PGM2L1: variants seen among roughly 807,000 people sequenced by gnomAD.
PGM2L1 encodes the protein phosphoglucomutase 2 like 1, also known as glucose 1,6-bisphosphate synthase.
PGM2L1 carries 35 observed loss-of-function variants against 73.4 expected under a neutral mutation model. The ratio of observed to expected loss-of-function variants is 0.48; its 90% CI spans 0.36 to 0.63. PGM2L1 has a LOEUF of 0.63. PGM2L1 is among the 30% of genes least tolerant of loss of function. The pLI is 0.00. For missense variants in PGM2L1, 570 were observed against 742.0 expected (o/e 0.77, Z 2.69); for synonymous variants, 225 against 253.8 (o/e 0.89, Z 1.08).
intron 5 of PGM2L1, among the ~76,000 whole-genome samples, chr11:74,358,916 C>G (rs564949448): frequency 6.6e-6 from 1 of 151,910 alleles, no homozygotes; most frequent in Non-Finnish European, 1.5e-5. Flanking sequence ...ACAAAAAAAC[C>G]CAAAAGTTCC....
chr11:74,343,357 C>A lies in PGM2L1; in HGVS notation c.1278G>T (p.Gly426=). The change falls in exon 10 of 14, where the codon GGG becomes GGT. Residue 426 remains glycine (G), a synonymous_variant. Coordinates refer to ENST00000298198, the MANE Select transcript of PGM2L1 (RefSeq NM_173582.6). ...GSRIIDLLEN[G]KEVLFAFEES... is the part of the protein sequence containing the mutation. ...CTTCAAATGCAAAAAGGACTTCTTT[C>A]CCATTTTCCAGGAGGTCTATTATCC... The A allele has an allele frequency of 6.2e-7, 1 of 1,609,468 alleles. No homozygotes were observed. The highest frequency in any genetic ancestry group is 8.5e-7 in the Non-Finnish European group (1 of 1,178,782).
In PGM2L1 at chr11:74,362,417, C is replaced by T. The variant is rs191965963; in HGVS notation, c.555+6075G>A. ...AGCACTAAACATGGAAAGGAACAAC[C>T]GGTACCAGCCACTGCAAAAACATGT... On this transcript the variant is annotated intron_variant, in intron 5 of 13. Transcript: ENST00000298198. Among the ~76,000 whole-genome samples the T allele has an allele frequency of 9.4e-3, 1,434 of 152,220 alleles. 25 individuals are homozygous for T. Among genetic ancestry groups the T allele is most frequent in the African/African-American group, 0.031 (1,275 of 41,538 alleles).
intron 12 of PGM2L1, among the ~76,000 whole-genome samples, chr11:74,340,293 G>A (rs993981899): frequency 6.6e-6 from 1 of 152,140 alleles, no homozygotes; most frequent in South Asian, 2.1e-4. Flanking sequence ...ACACTTTAAC[G>A]AGAATTAAGA....
In PGM2L1 at chr11:74,351,368, T is replaced by G. The variant is rs773110827; in HGVS notation, c.749+15A>C. The G allele has an allele frequency of 9.9e-5, 159 of 1,598,750 alleles. No individual in the cohort carries two copies. The highest frequency in any genetic ancestry group is 1.3e-4 in the Non-Finnish European group (147 of 1,171,518). On this transcript the variant is annotated intron_variant, in intron 6 of 13. Coordinates refer to ENST00000298198, the MANE Select transcript of PGM2L1 (RefSeq NM_173582.6). ...TATTCTGAAGTAGTATTATCTGATA[T>G]TCTCACTTGGATACCTGTAAAAACA...
intron 1 of PGM2L1, among the ~76,000 whole-genome samples, chr11:74,392,290 T>C (rs905428701): frequency 4.6e-5 from 7 of 151,804 alleles, no homozygotes; most frequent in African/African-American, 9.7e-5. Flanking sequence ...TCAAAAAAAA[T>C]AAATTGCAAA....
In PGM2L1 at chr11:74,380,761, G is replaced by A. The variant is rs186861493; in HGVS notation, c.112-6179C>T. ...ACATAGTCTAACTTGTCTCTGTTAA[G>A]TTTTAAGTAAAAAATATTTCTCATA... On this transcript the variant is annotated intron_variant, in intron 1 of 13. Coordinates refer to ENST00000298198, the MANE Select transcript of PGM2L1 (RefSeq NM_173582.6). Among the ~76,000 whole-genome samples the A allele has an allele frequency of 2.4e-3, 360 of 152,208 alleles. 3 individuals are homozygous for A. Among genetic ancestry groups the A allele is most frequent in the African/African-American group, 8.3e-3 (346 of 41,534 alleles).
intron 5 of PGM2L1, among the ~76,000 whole-genome samples, chr11:74,359,718 A>C (rs1052442087): frequency 1.3e-5 from 2 of 152,092 alleles, no homozygotes; most frequent in Non-Finnish European, 1.5e-5. Context: ...ATGGAGAAAA[A>C]GATGGAGAAG....
chr11:74,397,839 G>A, intron 1 of PGM2L1: 1 of 653,068 alleles, frequency 1.5e-6, no homozygotes, highest in Non-Finnish European at 2.3e-6. Flanking sequence ...TGAGAGCACT[G>A]CAGAAGGAAG....
At chr11:74,391,572 C>T (rs184408317) in intron 1 of PGM2L1, among the ~76,000 whole-genome samples, 1 of 151,886 alleles carries the variant, frequency 6.6e-6, no homozygotes, top group Non-Finnish European at 1.5e-5. Context: ...TTTCCTGTTC[C>T]TTTTTCATAG....
intron 1 of PGM2L1, among the ~76,000 whole-genome samples, chr11:74,383,824 A>ATATATATATATATATATATATAT (rs1862982924): frequency 1.4e-4 from 17 of 121,834 alleles, no homozygotes; most frequent in East Asian, 4.2e-4. Context: ...TATATAAATA[A>ATATATATATATATATATATATAT]ATATATATAT....
intron 9 of PGM2L1, among the ~76,000 whole-genome samples, chr11:74,344,966 G>T (rs1862240033): frequency 1.3e-5 from 2 of 152,286 alleles, no homozygotes; most frequent in Non-Finnish European, 2.9e-5. Flanking sequence ...CTGCAAAAAT[G>T]GTCAGCTTAA....
At chr11:74,349,029 G>A (rs1045312839) in intron 6 of PGM2L1, among the ~76,000 whole-genome samples, 1 of 152,076 alleles carries the variant, frequency 6.6e-6, no homozygotes, top group Non-Finnish European at 1.5e-5. Flanking sequence ...TCACCTATGG[G>A]TCTTAGCAGC....
chr11:74,336,701 T>C lies in PGM2L1; in HGVS notation c.1820A>G (p.Glu607Gly), dbSNP rs1276063694. The C allele has an allele frequency of 1.2e-6, 2 of 1,613,128 alleles. No homozygotes were observed. Among genetic ancestry groups the C allele is most frequent in the African/African-American group, 2.7e-5 (2 of 74,888 alleles). ...ATTCTTACTAGGCTGAAGAAAATTCTCTATCAGAGCATCAATGAGTTTCTT... is the reference window on the plus strand; with the variant it reads ...ATTCTTACTAGGCTGAAGAAAATTCCCTATCAGAGCATCAATGAGTTTCTT... ...ELKKLIDALI[E>G]NFLQPSKNGL... Residue 607 changes from glutamate (E) to glycine (G), a missense_variant, in exon 14 of 14, where the codon GAG becomes GGG. Physicochemically the swap from Glu to Gly is moderately conservative, Grantham distance 98 (BLOSUM62 -2). Transcript: ENST00000298198.
At chr11:74,365,091 C>A (rs1164585142) in intron 5 of PGM2L1, among the ~76,000 whole-genome samples, 1 of 150,280 alleles carries the variant, frequency 6.7e-6, no homozygotes, top group South Asian at 2.1e-4. Flanking sequence ...CTTTGACAAA[C>A]CTGACAAAAA....
rs776531976 is a variant in PGM2L1 at position 74,342,625 on chromosome 11, A to C, written c.1468T>G (p.Ser490Ala). Residue 490 changes from serine (S) to alanine (A), a missense_variant, in exon 12 of 14, where the codon TCC becomes GCC. Physicochemically the swap from Ser to Ala is moderately conservative, Grantham distance 99. Transcript: ENST00000298198. ...EKYGYHISKT[S>A]YFLCYEPPTI... ...GGTGGTTCATAACACAAGAAATAGG[A>C]AGTTTTTGAAATATGATAACCATAT... is the stretch of plus-strand genomic sequence containing the variant. 3.8e-6 allele frequency: 6 copies of C among 1,584,776 alleles called. No homozygotes were observed. In the African/African-American group the frequency reaches 8.2e-5, roughly 22 times the overall value.
At chr11:74,351,818 C>G (rs1010450986) in intron 5 of PGM2L1, among the ~76,000 whole-genome samples, 3 of 151,782 alleles carry the variant, frequency 2.0e-5, no homozygotes, top group African/African-American at 7.3e-5. Flanking sequence ...AAAAATTAGC[C>G]GGGTGTGGTG....
chr11:74,361,922 T>C (rs1459963166), intron 5 of PGM2L1, among the ~76,000 whole-genome samples: 4 of 152,188 alleles, frequency 2.6e-5, no homozygotes, highest in Admixed American at 6.5e-5. Context: ...CTACATCTGA[T>C]TGGTATACCT....
intron 5 of PGM2L1, among the ~76,000 whole-genome samples, chr11:74,363,121 C>A (rs1416758940): frequency 6.6e-6 from 1 of 152,106 alleles, no homozygotes; most frequent in East Asian, 1.9e-4. Context: ...AACTGAACAA[C>A]CTGCTCCTGA....
chr11:74,364,703 C>T (rs28773030), intron 5 of PGM2L1, among the ~76,000 whole-genome samples: 82,258 of 151,860 alleles, frequency 0.54, 24,555 homozygotes, highest in East Asian at 0.8. Context: ...CACTACTCAA[C>T]GAAATAAAAG....
Sources: allele counts gnomAD v4.1 joint callset (sites outside exome capture counted in the v4.1 genomes callset), GRCh38; gene constraint gnomAD v4.1.1; transcripts MANE v1.5; gene names NCBI Gene and HGNC (gene_info 2026-07-23, HGNC 2026-07-21).